Variants in RNF212B observed in about 807,000 individuals in gnomAD.
The protein encoded by RNF212B is ring finger protein 212B.
A neutral mutation model predicts 55.5 loss-of-function variants in RNF212B; 52 were observed. The observed-to-expected ratio is 0.94, with a 90% CI of 0.75 to 1.18. The LOEUF is 1.18. Ranked by LOEUF, RNF212B falls within the 50% of genes most tolerant of loss-of-function variation. RNF212B has a pLI of 0.00. For missense variants in RNF212B, 289 were observed against 350.4 expected, an observed-to-expected ratio of 0.82 and a Z score of 1.40; for synonymous variants, 99 against 121.4, an observed-to-expected ratio of 0.82 and a Z score of 1.21.
chr14:23,232,484 C>A (rs1198350460), intron 2 of RNF212B, among the ~76,000 whole-genome samples: 1 of 151,302 alleles, frequency 6.6e-6, no homozygotes, highest in South Asian at 2.1e-4. Flanking sequence ...CCCCTCCGCC[C>A]GGCAGCCGCC....
At chr14:23,215,183 C>G (rs1049655674) in intron 2 of RNF212B, among the ~76,000 whole-genome samples, 1 of 152,082 alleles carries the variant, frequency 6.6e-6, no homozygotes, top group African/African-American at 2.4e-5. Flanking sequence ...GGCAGTTCCC[C>G]CCACCCCTCT....
rs573469838 is a variant in RNF212B at position 23,205,945 on chromosome 14, C to T, written c.-2+12544C>T. Among the ~76,000 whole-genome samples, 21 of 152,288 alleles carry T rather than the reference C, an allele frequency of 1.4e-4. No individual in the cohort carries two copies. In the South Asian group the frequency reaches 4.4e-3, roughly 32 times the overall value. On this transcript the variant is annotated intron_variant, in intron 2 of 15. Coordinates refer to the RNF212B transcript ENST00000399910. ...TTTGGCAGGGTAAGTATGAAATTTG[C>T]TTGATTAATAATGCAAACAAAGTGT...
Position 23,203,388 on chromosome 14 carries a change from C to T in RNF212B, c.-2+9987C>T, listed in dbSNP as rs946221870. 6.6e-5 allele frequency among the ~76,000 whole-genome samples: 10 copies of T among 151,854 alleles called. No homozygotes were observed. In the South Asian group the frequency reaches 1.5e-3, roughly 22 times the overall value. On this transcript the variant is annotated intron_variant, in intron 2 of 15. Coordinates refer to the RNF212B transcript ENST00000399910. ...TTGTGCTGCTATAAACATGTGCGTG[C>T]AAATATCTTTTTTGTATAATGACTT...
intron 8 of RNF212B, 100 bp downstream of exon 8, chr14:23,262,811 C>T (rs571624407): frequency 4.1e-6 from 6 of 1,446,386 alleles, no homozygotes; most frequent in Admixed American, 3.9e-5. Context: ...ATCTTCCTAA[C>T]TTTATGTGTA....
upstream of RNF212B, among the ~76,000 whole-genome samples, chr14:23,235,848 G>A (rs894796531): frequency 6.6e-6 from 1 of 152,156 alleles, no homozygotes; most frequent in African/African-American, 2.4e-5. Context: ...CATTTAAAGT[G>A]CAAAACAGAC....
At chr14:23,214,688 C>A (rs1173561943) in intron 2 of RNF212B, among the ~76,000 whole-genome samples, 4 of 151,212 alleles carry the variant, frequency 2.6e-5, no homozygotes, top group South Asian at 4.2e-4. Context: ...TAATAATAAT[C>A]AAAATAGAGA....
chr14:23,256,105 C>T (rs542474350), intron 4 of RNF212B, among the ~76,000 whole-genome samples: 5 of 152,110 alleles, frequency 3.3e-5, no homozygotes, highest in African/African-American at 9.6e-5. Flanking sequence ...TCTGTTTATG[C>T]ACTTACGACC....
At chr14:23,237,800 G>T (rs186837147), upstream of RNF212B, among the ~76,000 whole-genome samples, 1 of 152,200 alleles carries the variant, frequency 6.6e-6, no homozygotes, top group East Asian at 1.9e-4. Flanking sequence ...TCCCGCCACC[G>T]CGAGCCGCTC....
In RNF212B at chr14:23,254,727, C is replaced by T. The variant is rs183405432; in HGVS notation, c.229-3822C>T. On this transcript the variant is annotated intron_variant, in intron 4 of 14. Coordinates refer to ENST00000430154, the MANE Select transcript of RNF212B (RefSeq NM_001282322.3). ...TAAACAAACAAGAATGTTTTGTTTA[C>T]AATAACCCACATTGGACCAAAACGT... 5.2e-3 allele frequency among the ~76,000 whole-genome samples: 792 copies of T among 152,232 alleles called. 3 individuals are homozygous for T. Among genetic ancestry groups the T allele is most frequent in the Non-Finnish European group, 6.7e-3 (458 of 68,010 alleles).
At chr14:23,230,394 C>A (rs1882487376) in intron 2 of RNF212B, among the ~76,000 whole-genome samples, 1 of 152,104 alleles carries the variant, frequency 6.6e-6, no homozygotes, top group Non-Finnish European at 1.5e-5. Context: ...GTGGCTCACG[C>A]CTGTAATCCC....
intron 2 of RNF212B, among the ~76,000 whole-genome samples, chr14:23,205,498 G>A (rs367772394): frequency 1.5e-4 from 23 of 151,986 alleles, no homozygotes; most frequent in African/African-American, 4.3e-4. Flanking sequence ...GATTATTTAC[G>A]AAAACTGTGA....
At chr14:23,225,383 T>C (rs1881916483) in intron 2 of RNF212B, among the ~76,000 whole-genome samples, 1 of 152,182 alleles carries the variant, frequency 6.6e-6, no homozygotes, top group South Asian at 2.1e-4. Context: ...CTGTTCACAA[T>C]AGCCAAGATT....
chr14:23,212,173 T>G (rs1395942737), intron 2 of RNF212B, among the ~76,000 whole-genome samples: 1 of 152,232 alleles, frequency 6.6e-6, no homozygotes, highest in Non-Finnish European at 1.5e-5. Context: ...TAGCCAGCCT[T>G]ATACATAATG....
chr14:23,251,644 T>C (rs184960432), intron 4 of RNF212B, among the ~76,000 whole-genome samples: 9 of 152,064 alleles, frequency 5.9e-5, no homozygotes, highest in Non-Finnish European at 1.2e-4. Context: ...GGTGAAACCC[T>C]GCCTCTACTA....
intron 1 of RNF212B, among the ~76,000 whole-genome samples, 41 bp downstream of exon 1, chr14:23,238,096 C>T (rs905616988): frequency 6.6e-6 from 1 of 152,172 alleles, no homozygotes; most frequent in Non-Finnish European, 1.5e-5. Context: ...AAGCTTGAGA[C>T]GGCTGAGGCC....
At position 23,243,306 on chromosome 14, in the gene RNF212B, A is replaced by G; in HGVS notation, c.151A>G (p.Asn51Asp). Residue 51 changes from asparagine (N) to aspartate (D), a missense_variant and splice_region_variant, in exon 3 of 15, where the codon AAT (asparagine) becomes GAT (aspartate). Physicochemically the swap from Asn to Asp is conservative, Grantham distance 23 (BLOSUM62 1). Coordinates refer to ENST00000430154, the MANE Select transcript of RNF212B (RefSeq NM_001282322.3). ...CTGCAAGCATCTGGCTCTTTCTGAT[A>G]ATGTAAGTTTTTCTCCCCCTGCCAC... is the stretch of plus-strand genomic sequence containing the variant. ...TACKHLALSD[N>D]LKPQEKMFFK... is the part of the protein sequence containing the mutation. 2 of 1,550,076 alleles carry G rather than the reference A, an allele frequency of 1.3e-6. No individual in the cohort carries two copies. Among genetic ancestry groups the G allele is most frequent in the Non-Finnish European group, 1.7e-6 (2 of 1,146,794 alleles).
intron 1 of RNF212B, among the ~76,000 whole-genome samples, chr14:23,189,309 G>A (rs139991831): frequency 1.3e-5 from 2 of 152,174 alleles, no homozygotes; most frequent in South Asian, 2.1e-4. Flanking sequence ...CACATCCTCT[G>A]CCTTCCCTCC....
intron 2 of RNF212B, among the ~76,000 whole-genome samples, chr14:23,214,504 A>C (rs1880882798): frequency 6.6e-6 from 1 of 151,992 alleles, no homozygotes; most frequent in African/African-American, 2.4e-5. Context: ...CCCAATAATT[A>C]AATTAAATTA....
chr14:23,249,420 C>G (rs1566428458), intron 4 of RNF212B, among the ~76,000 whole-genome samples: 1 of 152,128 alleles, frequency 6.6e-6, no homozygotes, highest in Non-Finnish European at 1.5e-5. Context: ...GTGGCACACA[C>G]CTGTAGTCCA....
Sources: gnomAD v4.1 joint callset for allele counts (sites outside exome capture counted in the v4.1 genomes callset) on GRCh38, gnomAD v4.1.1 for gene constraint, MANE v1.5 for transcripts, NCBI Gene and HGNC (gene_info 2026-07-23, HGNC 2026-07-21) for gene names.